SPATA13: variants seen among roughly 807,000 people sequenced by gnomAD.
The protein encoded by SPATA13 is spermatogenesis associated 13.
A neutral mutation model predicts 104.0 loss-of-function variants in SPATA13; 50 were observed. That is an observed-to-expected ratio of 0.48 (90% CI 0.38 to 0.61). The LOEUF is 0.61. Ranked by LOEUF, SPATA13 falls within the 20% of genes least tolerant of loss-of-function variation. The pLI is 0.00. For synonymous variants in SPATA13, 606 were observed against 667.5 expected (o/e 0.91, Z 1.42); for missense variants, 1,524 against 1,690.6 (o/e 0.90, Z 1.73).
intron 3 of SPATA13, among the ~76,000 whole-genome samples, chr13:24,025,813 CTTTT>C (rs61153723): frequency 2.0e-5 from 3 of 146,556 alleles, no homozygotes; most frequent in Non-Finnish European, 3.0e-5. Context: ...TTCTTTCTTT[CTTTT>C]TTTTTTTTTT....
chr13:23,993,926 G>A (rs1393747753), intron 2 of SPATA13, among the ~76,000 whole-genome samples: 10 of 151,644 alleles, frequency 6.6e-5, no homozygotes, highest in Non-Finnish European at 1.3e-4. Context: ...TGGGGTGAGC[G>A]ATGATTCCCT....
At chr13:24,261,763 C>G (rs1290082917) in intron 4 of SPATA13, among the ~76,000 whole-genome samples, 1 of 151,798 alleles carries the variant, frequency 6.6e-6, no homozygotes, top group East Asian at 1.9e-4. Context: ...CAGGGAGGAG[C>G]TTCGTGCCCT....
chr13:24,257,239 C>T (rs1873833998), intron 4 of SPATA13, among the ~76,000 whole-genome samples: 1 of 152,122 alleles, frequency 6.6e-6, no homozygotes, highest in Non-Finnish European at 1.5e-5. Context: ...TCTTATCTTC[C>T]AGAGAGGAGA....
upstream of SPATA13, among the ~76,000 whole-genome samples, chr13:24,157,931 G>A (rs1290438145): frequency 1.3e-5 from 2 of 152,114 alleles, no homozygotes; most frequent in African/African-American, 4.8e-5. Flanking sequence ...AAAATGAGAA[G>A]GATAACTGTA....
rs115507279 is a variant in SPATA13 at position 24,067,641 on chromosome 13, C to A, written c.-112+49940C>A. 2.8e-3 allele frequency among the ~76,000 whole-genome samples: 434 copies of A among 152,286 alleles called. 4 individuals carry two copies. The highest frequency in any genetic ancestry group is 9.9e-3 in the African/African-American group (410 of 41,566). ...GCGTGGAAGGCTCTATGCTGTGTCA[C>A]CTCAGGAACAGAATCTTGGGGTAGA... On this transcript the variant is annotated intron_variant, in intron 3 of 14. Coordinates refer to the SPATA13 transcript ENST00000424834.
chr13:24,200,990 G>C (rs1027649706), intron 1 of SPATA13, among the ~76,000 whole-genome samples: 3 of 145,094 alleles, frequency 2.1e-5, no homozygotes, highest in Non-Finnish European at 4.6e-5. Flanking sequence ...CTATTCTAAG[G>C]GCTTTGCACG....
intron 4 of SPATA13, chr13:24,278,937 CT>C (rs1875244613): frequency 1.2e-6 from 1 of 863,382 alleles, no homozygotes; most frequent in African/African-American, 2.1e-5. Context: ...TCTTTCCTTC[CT>C]TCCTTCCTTC....
At chr13:24,178,556 C>T (rs7325698) in intron 1 of SPATA13, among the ~76,000 whole-genome samples, 74,651 of 151,926 alleles carry the variant, frequency 0.49, 20,284 homozygotes, top group Non-Finnish European at 0.61. Flanking sequence ...TTACTCTGTG[C>T]CATGCATTGC....
intron 3 of SPATA13, among the ~76,000 whole-genome samples, chr13:24,118,514 A>T (rs1324347676): frequency 6.6e-6 from 1 of 152,142 alleles, no homozygotes; most frequent in Non-Finnish European, 1.5e-5. Flanking sequence ...CATTCATTCC[A>T]AGCTTGTAGC....
intron 2 of SPATA13, among the ~76,000 whole-genome samples, chr13:23,987,294 T>C (rs190205931): frequency 6.6e-6 from 1 of 152,300 alleles, no homozygotes; most frequent in African/African-American, 2.4e-5. Context: ...TTAGAATATG[T>C]CTATGACCGG....
At chr13:24,298,584 G>A (rs1394911948) in intron 11 of SPATA13, among the ~76,000 whole-genome samples, 1 of 152,124 alleles carries the variant, frequency 6.6e-6, no homozygotes, top group Non-Finnish European at 1.5e-5. Flanking sequence ...TGGAAGTCAG[G>A]GAGCCACAGT....
intron 4 of SPATA13, among the ~76,000 whole-genome samples, chr13:24,271,268 G>A (rs1407331849): frequency 6.6e-6 from 1 of 152,010 alleles, no homozygotes; most frequent in Non-Finnish European, 1.5e-5. Context: ...GGGTTTTGCT[G>A]CTGATATTGT....
At chr13:24,216,340 A>G (rs1871259618) in intron 1 of SPATA13, among the ~76,000 whole-genome samples, 1 of 152,230 alleles carries the variant, frequency 6.6e-6, no homozygotes, top group Non-Finnish European at 1.5e-5. Context: ...AGGATTGACA[A>G]AGCAAATATG....
At chr13:24,206,238 A>C (rs1024399709) in intron 1 of SPATA13, among the ~76,000 whole-genome samples, 16 of 151,920 alleles carry the variant, frequency 1.1e-4, no homozygotes, top group Non-Finnish European at 2.2e-4. Flanking sequence ...GAAAAAAACA[A>C]CACCATTAAA....
At chr13:24,037,384 A>T (rs1318331053) in intron 3 of SPATA13, among the ~76,000 whole-genome samples, 1 of 136,874 alleles carries the variant, frequency 7.3e-6, no homozygotes, top group East Asian at 2.0e-4. Flanking sequence ...AGAAAAGAAA[A>T]CAGGTTCTCG....
intron 3 of SPATA13, among the ~76,000 whole-genome samples, chr13:24,147,676 T>C (rs1881976347): frequency 1.3e-5 from 2 of 152,198 alleles, no homozygotes; most frequent in Non-Finnish European, 2.9e-5. Context: ...AGTACATTTA[T>C]ATTGCTGTGC....
intron 1 of SPATA13, among the ~76,000 whole-genome samples, chr13:24,175,435 A>G (rs1232114604): frequency 1.3e-5 from 2 of 152,178 alleles, no homozygotes; most frequent in South Asian, 4.1e-4. Context: ...TTTAGGTACC[A>G]AAGAGGGGCC....
intron 3 of SPATA13, among the ~76,000 whole-genome samples, chr13:24,066,742 C>G: frequency 6.6e-6 from 1 of 152,082 alleles, no homozygotes; most frequent in East Asian, 1.9e-4. Context: ...CTGCTTGGCA[C>G]ACACCATGGC....
At chr13:24,233,886 AACACACACACACACACACACAC>A (rs10571334) in intron 2 of SPATA13, among the ~76,000 whole-genome samples, 2 of 147,558 alleles carry the variant, frequency 1.4e-5, no homozygotes, top group African/African-American at 5.0e-5. Flanking sequence ...TATACACTTA[AACACACACACACACACACACAC>A]ACACACACAC....
Sources: allele counts gnomAD v4.1 joint callset (sites outside exome capture counted in the v4.1 genomes callset), GRCh38; gene constraint gnomAD v4.1.1; transcripts MANE v1.5; gene names NCBI Gene and HGNC (gene_info 2026-07-23, HGNC 2026-07-21).